The following SDS variants were observed in gnomAD, a reference collection of about 807,000 sequenced individuals.
The protein encoded by SDS is L-serine dehydratase/L-threonine deaminase.
SDS carries 19 observed loss-of-function variants against 29.3 expected under a neutral mutation model. The ratio of observed to expected loss-of-function variants is 0.65; its 90% confidence interval spans 0.45 to 0.95. SDS has a LOEUF of 0.95. SDS is among the 40% of genes least tolerant of loss of function. The pLI, the probability that SDS is intolerant of heterozygous loss-of-function variation, is 0.00. For synonymous variants in SDS, 176 were observed against 189.0 expected, an observed-to-expected ratio of 0.93 and a Z score of 0.56; for missense variants, 375 against 439.9, an observed-to-expected ratio of 0.85 and a Z score of 1.32.
At chr12:113,396,544 C>CCCTTCCCTCCTT (rs1957647098) in intron 6 of SDS, 1 of 25,776 alleles carries the variant, frequency 3.9e-5, no homozygotes, top group African/African-American at 1.7e-4. Context: ...CTCCCTCTCT[C>CCCTTCCCTCCTT]CCTTCCTTCC....
intron 1 of SDS, among the ~76,000 whole-genome samples, 173 bp downstream of exon 1, chr12:113,403,595 G>T (rs1419676443): frequency 6.6e-6 from 1 of 151,818 alleles, no homozygotes. Context: ...TCTTGAACTT[G>T]TGGCCTCAAG....
At chr12:113,396,583 T>TTCCTTCCC (rs1957648172) in intron 6 of SDS, 1 of 98,494 alleles carries the variant, frequency 1.0e-5, no homozygotes, top group Admixed American at 1.3e-4. Flanking sequence ...CCTTCCTTCC[T>TTCCTTCCC]TCCTTCCTTC....
intron 1 of SDS, among the ~76,000 whole-genome samples, chr12:113,400,344 G>A (rs973448057): frequency 1.3e-5 from 2 of 151,778 alleles, no homozygotes; most frequent in African/African-American, 4.8e-5. Flanking sequence ...ATGGTGGCAG[G>A]CACCTGTAAT....
rs1957694179 is a variant in SDS, at chr12:113,403,045, A to G, written c.-3+723T>C. ...CACCGTCACAACCACCTGAGGAGGA[A>G]GGCGCTATGCTCATCCCCATTCTAC... On this transcript the variant is annotated intron_variant, in intron 1 of 7. Coordinates refer to ENST00000257549, the MANE Select transcript of SDS (RefSeq NM_006843.3). Among the ~76,000 whole-genome samples the G allele has an allele frequency of 5.9e-5, 9 of 152,302 alleles. 1 individual carries two copies. The South Asian group carries it at 1.9e-3, about 32-fold the overall frequency.
chr12:113,399,113 C>G lies in SDS; in HGVS notation c.192G>C (p.Ser64=). ...KQGCAHFVCS[S]AGNAGMAAAY... ...AGGATGGGGAAGCAGATCACTTACC[C>G]GAGGAGCAGACAAAATGTGCACAGC... is the stretch of plus-strand genomic sequence containing the variant. Residue 64 remains serine, a splice_region_variant and synonymous_variant, in exon 3 of 8, where the codon TCG becomes TCC. Transcript: ENST00000257549. 4.3e-6 allele frequency: 7 copies of G among 1,614,004 alleles called. No individual in the cohort carries two copies. The highest frequency in any genetic ancestry group is 5.1e-6 in the Non-Finnish European group (6 of 1,179,946).
intron 3 of SDS, 79 bp from the exon 4 acceptor site, chr12:113,398,925 G>A: frequency 6.5e-7 from 1 of 1,531,908 alleles, no homozygotes; most frequent in Non-Finnish European, 8.8e-7. Context: ...CCTCTACTGG[G>A]GGCTCTGGAG....
rs2136935117 is a variant in SDS, at chr12:113,398,842, G to GC, written c.197dup (p.Asn67GlnfsTer31). The GC allele has an allele frequency of 6.2e-7, 1 of 1,603,924 alleles. No homozygotes were observed. The highest frequency in any genetic ancestry group is 8.5e-7 in the Non-Finnish European group (1 of 1,175,458). On this transcript the variant is annotated frameshift_variant, in exon 4 of 8. Coordinates refer to ENST00000257549, the MANE Select transcript of SDS (RefSeq NM_006843.3). LOFTEE classifies it high-confidence loss of function. ...CATATGCAGCCGCCATGCCTGCGTT[G>GC]CCCGCTGCCAGGGTCGGGGGTGGAG...
intron 1 of SDS, among the ~76,000 whole-genome samples, chr12:113,400,609 G>A (rs564630056): frequency 5.9e-4 from 89 of 151,180 alleles, no homozygotes; most frequent in Non-Finnish European, 1.1e-3. Flanking sequence ...CCACACACAC[G>A]CACAATCCAT....
At chr12:113,394,508 T>C (rs1957633538) in intron 6 of SDS, among the ~76,000 whole-genome samples, 2 of 151,734 alleles carry the variant, frequency 1.3e-5, no homozygotes, top group African/African-American at 2.4e-5. Flanking sequence ...CCCGGCTAAT[T>C]TTTGTATTTT....
intron 5 of SDS, among the ~76,000 whole-genome samples, chr12:113,398,131 C>T (rs112353915): frequency 0.011 from 1,584 of 145,862 alleles, 37 homozygotes; most frequent in African/African-American, 0.037. Flanking sequence ...AGTGCAGTGG[C>T]GTGATCATGG....
chr12:113,399,054 A>C, intron 3 of SDS, 58 bp downstream of exon 3: 1 of 1,592,660 alleles, frequency 6.3e-7, no homozygotes. Context: ...TCAGAGAAGC[A>C]GAGTGTCTGA....
chr12:113,402,760 G>A (rs909765029), intron 1 of SDS, among the ~76,000 whole-genome samples: 13 of 152,120 alleles, frequency 8.5e-5, no homozygotes, highest in African/African-American at 3.1e-4. Context: ...AAAGGACAGG[G>A]CTCCCTCTGC....
intron 1 of SDS, among the ~76,000 whole-genome samples, chr12:113,401,076 T>C (rs930126500): frequency 1.3e-5 from 2 of 152,098 alleles, no homozygotes; most frequent in African/African-American, 4.8e-5. Context: ...ATCGCGCCAC[T>C]GCACTCCAGC....
At chr12:113,399,090 G>A in intron 3 of SDS, 22 bp downstream of exon 3, 1 of 1,613,428 alleles carries the variant, frequency 6.2e-7, no homozygotes, top group Non-Finnish European at 8.5e-7. Flanking sequence ...CAGAGGACAG[G>A]ATGGGGAAGC....
intron 2 of SDS, 37 bp from the exon 3 acceptor site, chr12:113,399,188 C>G: frequency 6.2e-7 from 1 of 1,609,084 alleles, no homozygotes; most frequent in East Asian, 2.2e-5. Flanking sequence ...AGGCCCACCT[C>G]CCAGTCATTG....
intron 1 of SDS, among the ~76,000 whole-genome samples, chr12:113,403,259 T>C (rs1468754721): frequency 6.6e-6 from 1 of 152,202 alleles, no homozygotes; most frequent in Non-Finnish European, 1.5e-5. Flanking sequence ...TCCCAGTAGC[T>C]GGGACTACAG....
Position 113,392,908 on chromosome 12 carries a change from C to A in SDS, c.*33G>T. On this transcript the variant is annotated 3_prime_UTR_variant, in exon 8 of 8. Coordinates refer to ENST00000257549, the MANE Select transcript of SDS (RefSeq NM_006843.3). ...CCAGCCCCTCCAGGGGTCTCTTGGG[C>A]TAGGAGAGCACAGATCGGTAAGGGG... is the stretch of plus-strand genomic sequence containing the variant. 6.2e-7 allele frequency: 1 copy of A among 1,602,138 alleles called. No individual in the cohort carries two copies. Among genetic ancestry groups the A allele is most frequent in the Non-Finnish European group, 8.5e-7 (1 of 1,170,242 alleles).
At chr12:113,396,463 C>T (rs1385178867) in intron 6 of SDS, among the ~76,000 whole-genome samples, 6 of 136,422 alleles carry the variant, frequency 4.4e-5, no homozygotes, top group Non-Finnish European at 9.3e-5. Flanking sequence ...CTTTCTCTTT[C>T]TCCTTTTTTC....
chr12:113,398,721 T>C lies in SDS; in HGVS notation c.319A>G (p.Lys107Glu). ...TCGGCACTCACCTCACCCACCACCT[T>C]GACTGTGGCACCTTCATTCTTGAGG... ...ERLKNEGATV[K>E]VVGELLDEAF... Residue 107 changes from lysine to glutamate, a missense_variant, in exon 4 of 8, where the codon AAG becomes GAG. Lys to Glu is a moderately conservative substitution (Grantham distance 56). Coordinates refer to ENST00000257549, the MANE Select transcript of SDS (RefSeq NM_006843.3). The C allele has an allele frequency of 6.2e-7, 1 of 1,614,146 alleles. No homozygotes were observed.
Sources: gnomAD v4.1 joint callset for allele counts (sites outside exome capture counted in the v4.1 genomes callset) on GRCh38, gnomAD v4.1.1 for gene constraint, MANE v1.5 for transcripts, NCBI Gene and HGNC (gene_info 2026-07-23, HGNC 2026-07-21) for gene names.